Variants in USP6 observed in about 807,000 individuals in gnomAD.
USP6 encodes ubiquitin specific peptidase 6.
In USP6, 128 loss-of-function variants were observed where a neutral mutation model predicts 175.7. That is an observed-to-expected ratio of 0.73 (90% CI 0.63 to 0.84). The LOEUF is 0.84. Among genes scored for constraint, USP6 ranks in the 40% least tolerant of loss-of-function variants. The probability of loss-of-function intolerance (pLI) is 0.00; values close to 1 mark genes in which losing one functional copy is unlikely to be tolerated. For missense variants in USP6, 1,498 were observed against 1,760.3 expected (o/e 0.85, Z 2.67); for synonymous variants, 562 against 630.6 (o/e 0.89, Z 1.63).
At chr17:5,116,896 C>T (rs915233638) in intron 1 of USP6, among the ~76,000 whole-genome samples, 156 bp downstream of exon 1, 1 of 152,166 alleles carries the variant, frequency 6.6e-6, no homozygotes, top group Non-Finnish European at 1.5e-5. Flanking sequence ...AGTGATGGAG[C>T]TAGGTACGGA....
In USP6 at chr17:5,163,022, C is replaced by A. The variant is rs1414423285; in HGVS notation, c.3036+18C>A. ...AGGAAAGGGTAAGAATTTAGGGCCA[C>A]CGTAAAATGGTGGTTTTTATATGGG... On this transcript the variant is annotated intron_variant, in intron 33 of 37. Transcript: ENST00000574788. 6.5e-7 allele frequency: 1 copy of A among 1,527,616 alleles called. No homozygotes were observed. The highest frequency in any genetic ancestry group is 1.4e-5 in the African/African-American group (1 of 70,086). The allele number at this position is 1,527,616 out of a possible 1,614,324, so 94.6% of individuals were successfully genotyped here. A position where few individuals can be genotyped will look rare whatever the true frequency, so the allele number is the denominator to read the frequency against.
At chr17:5,136,353 C>T (rs2073253665) in intron 17 of USP6, among the ~76,000 whole-genome samples, 2 of 152,230 alleles carry the variant, frequency 1.3e-5, no homozygotes, top group African/African-American at 4.8e-5. Context: ...AGGAGATGAC[C>T]AGGAAGCTCA....
intron 30 of USP6, among the ~76,000 whole-genome samples, chr17:5,154,244 C>A (rs2073834806): frequency 1.3e-5 from 2 of 152,120 alleles, no homozygotes; most frequent in African/African-American, 2.4e-5. Context: ...AAAGAAGGGT[C>A]TTTTTACTTA....
At chr17:5,148,384 A>G (rs2073670102) in intron 29 of USP6, among the ~76,000 whole-genome samples, 172 bp from the exon 30 acceptor site, 1 of 152,234 alleles carries the variant, frequency 6.6e-6, no homozygotes, top group Non-Finnish European at 1.5e-5. Flanking sequence ...GAGTTAGGGA[A>G]GTAAAACTGG....
At chr17:5,136,030 C>T (rs2073243963) in intron 17 of USP6, 102 bp downstream of exon 17, 1 of 1,569,596 alleles carries the variant, frequency 6.4e-7, no homozygotes, top group Non-Finnish European at 8.6e-7. Flanking sequence ...CCTTGTGTTG[C>T]CAGCTTGTTG....
Position 5,141,353 on chromosome 17 carries a change from A to T in USP6, c.1499-72A>T, listed in dbSNP as rs2073440335. ...TAGGAATAAGATGTCTTTAAAAAAAAAAAACAGAAGCAATCAAGTGGGTGT... is the reference window on the plus strand; with the variant it reads ...TAGGAATAAGATGTCTTTAAAAAAATAAAACAGAAGCAATCAAGTGGGTGT... On this transcript the variant is annotated intron_variant, in intron 22 of 37. Transcript: ENST00000574788. 28 of 1,422,552 alleles carry T rather than the reference A, an allele frequency of 2.0e-5. No individual in the cohort carries two copies. In the South Asian group the frequency reaches 2.8e-4, roughly 14 times the overall value. The allele number at this position is 1,422,552 out of a possible 1,614,324, so 88.1% of individuals were successfully genotyped here.
rs559894236 is a variant in USP6 at position 5,127,648 on chromosome 17, A to G, written c.-338+9A>G. On this transcript the variant is annotated intron_variant, in intron 7 of 37. Coordinates refer to ENST00000574788, the MANE Select transcript of USP6 (RefSeq NM_001304284.2). ...GTGAGAAGCCTTCCTGAGTGAGTTT[A>G]TATAGTCATCCCTTGGTATCCATGG... is the stretch of plus-strand genomic sequence containing the variant. 1 of 152,336 alleles carries G rather than the reference A, an allele frequency of 6.6e-6. No individual in the cohort carries two copies. Among genetic ancestry groups the G allele is most frequent in the Admixed American group, 6.5e-5 (1 of 15,306 alleles). 9.4% of individuals were successfully genotyped at this position (152,336 alleles called of 1,614,324 possible).
intron 20 of USP6, among the ~76,000 whole-genome samples, 174 bp from the exon 21 acceptor site, chr17:5,137,947 A>G (rs979729298): frequency 6.6e-6 from 1 of 152,004 alleles, no homozygotes; most frequent in Non-Finnish European, 1.5e-5. Flanking sequence ...GAGTGTGGTG[A>G]GCACTTCCCT....
chr17:5,160,992 G>A (rs1184506580), intron 31 of USP6, among the ~76,000 whole-genome samples: 3 of 152,158 alleles, frequency 2.0e-5, no homozygotes, highest in Admixed American at 2.0e-4. Flanking sequence ...TGCATGTTGT[G>A]CACATGTACC....
rs760442136 is a variant in USP6, at chr17:5,148,542, C to T, written c.2432-14C>T. 2.4e-5 allele frequency: 39 copies of T among 1,613,622 alleles called. No homozygotes were observed. Among genetic ancestry groups the T allele is most frequent in the Admixed American group, 1.8e-4 (11 of 59,996 alleles). On this transcript the variant is annotated splice_polypyrimidine_tract_variant and intron_variant, in intron 29 of 37. Coordinates refer to ENST00000574788, the MANE Select transcript of USP6 (RefSeq NM_001304284.2). ...CACAAGCTTATGATGCTGTACTTAT[C>T]TTTGAATTTGTAGATTTCTCCTCTT...
At chr17:5,134,796 T>C (rs568149402) in intron 15 of USP6, 6 of 273,368 alleles carry the variant, frequency 2.2e-5, no homozygotes, top group East Asian at 1.0e-4. Flanking sequence ...GGCCAAACCA[T>C]AGGGACTGAG....
intron 28 of USP6, among the ~76,000 whole-genome samples, chr17:5,146,712 A>T (rs1296859844): frequency 1.3e-5 from 2 of 152,178 alleles, no homozygotes; most frequent in Non-Finnish European, 2.9e-5. Flanking sequence ...TGCAACTGCT[A>T]TTATTTATAT....
chr17:5,139,126 C>T (rs2073359331), intron 21 of USP6, 129 bp from the exon 22 acceptor site: 5 of 1,597,200 alleles, frequency 3.1e-6, no homozygotes, highest in South Asian at 2.2e-5. Context: ...ACAGGCGTGT[C>T]GTCAGTGTCA....
rs183379904 is a variant in USP6 at position 5,153,030 on chromosome 17, T to C, written c.2644-2392T>C. 1.6e-3 allele frequency among the ~76,000 whole-genome samples: 237 copies of C among 152,348 alleles called. 3 individuals are homozygous for C. The highest frequency in any genetic ancestry group is 0.015 in the Admixed American group (227 of 15,300). On this transcript the variant is annotated intron_variant, in intron 30 of 37. Coordinates refer to ENST00000574788, the MANE Select transcript of USP6 (RefSeq NM_001304284.2). ...ACAAAAAAAATGAATTAAGTAATTC[T>C]ATTTATAAATATAAAAACTTTTAAA... is the stretch of plus-strand genomic sequence containing the variant.
chr17:5,161,789 G>A (rs575564485), intron 32 of USP6, among the ~76,000 whole-genome samples, 175 bp downstream of exon 32: 2 of 152,238 alleles, frequency 1.3e-5, no homozygotes, highest in African/African-American at 4.8e-5. Context: ...GCCGAGGCGG[G>A]TGGATCACCT....
intron 31 of USP6, among the ~76,000 whole-genome samples, chr17:5,160,619 G>A (rs1226444065): frequency 1.6e-4 from 25 of 152,172 alleles, no homozygotes; most frequent in Admixed American, 1.2e-3. Context: ...TCTTAATCCA[G>A]TCTGTTGTTG....
At chr17:5,158,727 G>C (rs1330785515) in intron 31 of USP6, among the ~76,000 whole-genome samples, 1 of 148,048 alleles carries the variant, frequency 6.8e-6, no homozygotes, top group Non-Finnish European at 1.5e-5. Context: ...AGTGAAGGAA[G>C]TACTTCAAGA....
intron 14 of USP6, 62 bp from the exon 15 acceptor site, chr17:5,133,825 T>C (rs2073159965): frequency 2.0e-6 from 3 of 1,522,670 alleles, no homozygotes; most frequent in South Asian, 1.1e-5. Flanking sequence ...TGACTGCCAT[T>C]TGGGGCAGGG....
chr17:5,158,098 A>G (rs2073924253), intron 31 of USP6, among the ~76,000 whole-genome samples: 1 of 152,228 alleles, frequency 6.6e-6, no homozygotes, highest in South Asian at 2.1e-4. Flanking sequence ...TCTGCTGAAG[A>G]TATAAACATA....
Sources: gnomAD v4.1 joint callset for allele counts (sites outside exome capture counted in the v4.1 genomes callset) on GRCh38, gnomAD v4.1.1 for gene constraint, MANE v1.5 for transcripts, NCBI Gene and HGNC (gene_info 2026-07-23, HGNC 2026-07-21) for gene names.